The following ANK2 variants were observed in gnomAD, a reference collection of about 807,000 sequenced individuals.
The protein encoded by ANK2 is ankyrin 2.
Under a neutral mutation model 360.5 loss-of-function variants are expected in ANK2, and 83 were observed. That is an observed-to-expected ratio of 0.23 (90% CI 0.19 to 0.28). The LOEUF is 0.28. Among genes scored for constraint, ANK2 ranks in the 10% least tolerant of loss-of-function variants. The probability of loss-of-function intolerance (pLI) is 1.00; values close to 1 mark genes in which losing one functional copy is unlikely to be tolerated. For synonymous variants in ANK2, 1,740 were observed against 1,759.5 expected, an observed-to-expected ratio of 0.99 and a Z score of 0.28; for missense variants, 4,201 against 4,795.7, an observed-to-expected ratio of 0.88 and a Z score of 3.66.
At chr4:113,194,334 A>T (rs1272137649) in intron 2 of ANK2, among the ~76,000 whole-genome samples, 2 of 152,198 alleles carry the variant, frequency 1.3e-5, no homozygotes, top group Non-Finnish European at 2.9e-5. Context: ...TGTATATGTC[A>T]GAAACACTCA....
intron 22 of ANK2, among the ~76,000 whole-genome samples, chr4:113,296,790 C>A (rs2071757601): frequency 6.6e-6 from 1 of 152,204 alleles, no homozygotes; most frequent in Admixed American, 6.5e-5. Context: ...AGCCAACAAG[C>A]CCAATCCACT....
rs60272903 is a variant in ANK2, at chr4:112,829,491, C to CAAAAAAAAAAAAAAAAA, written c.-40+11230_-40+11246dup. 2.2e-3 allele frequency among the ~76,000 whole-genome samples: 133 copies of CAAAAAAAAAAAAAAAAA among 60,728 alleles called. 13 individuals carry two copies. Among genetic ancestry groups the CAAAAAAAAAAAAAAAAA allele is most frequent in the Non-Finnish European group, 3.1e-3 (101 of 32,380 alleles). 39.8% of individuals were successfully genotyped at this position (60,728 alleles called of 152,430 possible). A position where few individuals can be genotyped will look rare whatever the true frequency, so the allele number is the denominator to read the frequency against. ...GCAACATAGTATGAGCCCATCTCTACAAAAAAAAAAAAAAAAAAAGGAAGG... is the reference window on the plus strand; with the variant it reads ...GCAACATAGTATGAGCCCATCTCTACAAAAAAAAAAAAAAAAAAAAAAAAAAAAAAAAAAAAGGAAGG... On this transcript the variant is annotated intron_variant, in intron 1 of 30. Transcript: ENST00000503271.
intron 1 of ANK2, among the ~76,000 whole-genome samples, chr4:112,882,735 G>T (rs1181124065): frequency 2.0e-5 from 3 of 151,730 alleles, no homozygotes; most frequent in Non-Finnish European, 4.4e-5. Context: ...AAAAACCTAG[G>T]TTCTGTTGAT....
chr4:113,323,880 A>G, intron 26 of ANK2: 1 of 1,306,420 alleles, frequency 7.7e-7, no homozygotes, highest in Non-Finnish European at 1.1e-6. Context: ...TCCTTGCCTC[A>G]GGATGCTTTA....
the ANK2 span, among the ~76,000 whole-genome samples, chr4:112,769,588 C>A: frequency 6.6e-6 from 1 of 152,164 alleles, no homozygotes. Flanking sequence ...CTGCATAATT[C>A]CGAAGAATTT....
intron 2 of ANK2, among the ~76,000 whole-genome samples, chr4:112,953,289 A>G (rs1193397437): frequency 6.6e-6 from 1 of 152,252 alleles, no homozygotes; most frequent in African/African-American, 2.4e-5. Context: ...TCCATTGTTT[A>G]GGCAAGCATA....
intron 1 of ANK2, chr4:113,117,441 C>A (rs1441165623): frequency 2.2e-6 from 1 of 455,936 alleles, no homozygotes; most frequent in African/African-American, 2.0e-5. Flanking sequence ...TCCTTTTAAC[C>A]CTCTTTCTCT....
intron 1 of ANK2, among the ~76,000 whole-genome samples, chr4:113,163,889 C>T (rs534244394): frequency 1.3e-5 from 2 of 150,954 alleles, no homozygotes; most frequent in East Asian, 1.9e-4. Flanking sequence ...CAGAGTTGTG[C>T]GACCAACACC....
rs377358348 is a variant in ANK2 at position 112,993,790 on chromosome 4, T to A, written c.21+89276T>A. ...GGCACGATCTTGGCTCACTGCAACC[T>A]CCGTCACCTGGGTTCAAGCAATTCT... is the stretch of plus-strand genomic sequence containing the variant. On this transcript the variant is annotated intron_variant, in intron 2 of 30. Transcript: ENST00000503271. Among the ~76,000 whole-genome samples the A allele has an allele frequency of 7.4e-4, 112 of 151,964 alleles. 1 individual carries two copies. Among genetic ancestry groups the A allele is most frequent in the Admixed American group, 2.2e-3 (33 of 15,244 alleles).
intron 4 of ANK2, among the ~76,000 whole-genome samples, chr4:113,221,409 C>T (rs2099150120): frequency 6.6e-6 from 1 of 152,054 alleles, no homozygotes; most frequent in Non-Finnish European, 1.5e-5. Context: ...TCTGCAATAC[C>T]AGCACTTTGG....
the ANK2 span, among the ~76,000 whole-genome samples, chr4:112,711,097 C>G: frequency 1.3e-4 from 19 of 150,912 alleles, no homozygotes; most frequent in African/African-American, 4.6e-4. Context: ...GCCAGGCTTA[C>G]ATTTTTAAAG....
chr4:113,099,815 TAC>T (rs2092492648), intron 1 of ANK2, among the ~76,000 whole-genome samples: 1 of 151,964 alleles, frequency 6.6e-6, no homozygotes, highest in African/African-American at 2.4e-5. Context: ...CCAGAATAGA[TAC>T]ACACAAATAC....
At chr4:112,852,329 A>G (rs911786027) in intron 1 of ANK2, among the ~76,000 whole-genome samples, 1 of 152,164 alleles carries the variant, frequency 6.6e-6, no homozygotes, top group Non-Finnish European at 1.5e-5. Flanking sequence ...CTCTCTGTGT[A>G]CTCTAGATCA....
the ANK2 span, among the ~76,000 whole-genome samples, chr4:112,767,377 A>G: frequency 1.3e-5 from 2 of 152,230 alleles, no homozygotes; most frequent in East Asian, 3.9e-4. Flanking sequence ...CCTGGGCAAC[A>G]TGGTGAAACC....
At chr4:112,962,413 A>G (rs2035288314) in intron 2 of ANK2, among the ~76,000 whole-genome samples, 1 of 152,174 alleles carries the variant, frequency 6.6e-6, no homozygotes, top group Admixed American at 6.5e-5. Flanking sequence ...CATGGTGTAT[A>G]TGTACCACAT....
At chr4:113,067,471 T>C (rs2076041511) in intron 1 of ANK2, among the ~76,000 whole-genome samples, 1 of 152,086 alleles carries the variant, frequency 6.6e-6, no homozygotes, top group South Asian at 2.1e-4. Flanking sequence ...CACATGTAGG[T>C]CCTAAAGTTT....
At chr4:112,868,361 C>T (rs893442762) in intron 1 of ANK2, among the ~76,000 whole-genome samples, 1 of 152,198 alleles carries the variant, frequency 6.6e-6, no homozygotes, top group Non-Finnish European at 1.5e-5. Context: ...CAAACTTCAT[C>T]ACCTTATGGT....
chr4:113,075,247 C>T (rs562276431), intron 1 of ANK2, among the ~76,000 whole-genome samples: 4 of 152,260 alleles, frequency 2.6e-5, no homozygotes, highest in East Asian at 1.9e-4. Context: ...TGACTGTGAA[C>T]GATGAATAGT....
At chr4:113,374,818 C>A in intron 45 of ANK2, 1 of 1,248,486 alleles carries the variant, frequency 8.0e-7, no homozygotes, top group Non-Finnish European at 1.0e-6. Context: ...TCAGGCTGAG[C>A]CAGTGGAAGG....
Sources: gnomAD v4.1 joint callset for allele counts (sites outside exome capture counted in the v4.1 genomes callset) on GRCh38, gnomAD v4.1.1 for gene constraint, MANE v1.5 for transcripts, NCBI Gene and HGNC (gene_info 2026-07-23, HGNC 2026-07-21) for gene names.